Variants in HMG20A observed in about 807,000 individuals in gnomAD.
HMG20A encodes high mobility group protein 20A.
A neutral mutation model predicts 43.9 loss-of-function variants in HMG20A; 17 were observed. That is an observed-to-expected ratio of 0.39 (90% CI 0.27 to 0.58). The LOEUF (loss-of-function observed/expected upper bound fraction) is 0.58, where lower values mean the gene tolerates loss of function less well. HMG20A is among the 20% of genes least tolerant of loss of function. The pLI is 0.59. For synonymous variants in HMG20A, 132 were observed against 147.5 expected (o/e 0.89, Z 0.76); for missense variants, 341 against 438.2 (o/e 0.78, Z 1.98).
At chr15:77,512,958 C>A in the HMG20A span, among the ~76,000 whole-genome samples, 1 of 152,152 alleles carries the variant, frequency 6.6e-6, no homozygotes, top group Admixed American at 6.5e-5. Flanking sequence ...TTTGTACATT[C>A]CTGCCCAAAA....
intron 2 of HMG20A, 77 bp from the exon 3 acceptor site, chr15:77,464,163 C>A: frequency 6.6e-7 from 1 of 1,504,898 alleles, no homozygotes; most frequent in South Asian, 1.2e-5. Context: ...TGTGCTTTTG[C>A]TGGCAGGGAA....
chr15:77,511,251 C>T, the HMG20A span, among the ~76,000 whole-genome samples: 1 of 152,052 alleles, frequency 6.6e-6, no homozygotes, highest in Non-Finnish European at 1.5e-5. Flanking sequence ...ATGTATGGAT[C>T]TAGAAATAAA....
chr15:77,438,332 A>G (rs2073572907), intron 1 of HMG20A, among the ~76,000 whole-genome samples: 1 of 151,906 alleles, frequency 6.6e-6, no homozygotes, highest in Admixed American at 6.6e-5. Context: ...AGTTAGTCTA[A>G]TCGCATTTGG....
chr15:77,455,165 A>G (rs563357952), intron 1 of HMG20A, among the ~76,000 whole-genome samples: 15 of 151,714 alleles, frequency 9.9e-5, no homozygotes, highest in African/African-American at 3.1e-4. Context: ...ACATAGTCAC[A>G]TTGGTGTGAT....
intron 1 of HMG20A, among the ~76,000 whole-genome samples, chr15:77,434,914 A>G (rs1443472051): frequency 6.6e-6 from 1 of 152,172 alleles, no homozygotes; most frequent in African/African-American, 2.4e-5. Flanking sequence ...TGTTCACCAA[A>G]AGACACAAAT....
intron 1 of HMG20A, among the ~76,000 whole-genome samples, chr15:77,443,907 C>T (rs931916296): frequency 6.6e-6 from 1 of 151,922 alleles, no homozygotes; most frequent in Admixed American, 6.6e-5. Context: ...GATGGGGTTT[C>T]GCCATGTTGC....
intron 1 of HMG20A, among the ~76,000 whole-genome samples, chr15:77,428,884 T>A (rs2073454182): frequency 6.6e-6 from 1 of 150,714 alleles, no homozygotes; most frequent in East Asian, 2.0e-4. Flanking sequence ...GAGGATCGCA[T>A]AAGCCCAGGA....
intron 6 of HMG20A, among the ~76,000 whole-genome samples, chr15:77,473,612 A>C (rs1439407197): frequency 6.6e-6 from 1 of 152,248 alleles, no homozygotes; most frequent in Non-Finnish European, 1.5e-5. Flanking sequence ...TGATAGTTGC[A>C]GTCAGAAAAG....
At chr15:77,422,319 A>G (rs938262655) in intron 1 of HMG20A, among the ~76,000 whole-genome samples, 1 of 152,126 alleles carries the variant, frequency 6.6e-6, no homozygotes, top group South Asian at 2.1e-4. Flanking sequence ...GATTATTTTA[A>G]TTCTATAATA....
chr15:77,436,259 C>A (rs2073546761), intron 1 of HMG20A, among the ~76,000 whole-genome samples: 1 of 152,114 alleles, frequency 6.6e-6, no homozygotes, highest in Admixed American at 6.5e-5. Flanking sequence ...ACCCGTTCAA[C>A]ACACACACTT....
At chr15:77,466,984 G>T in intron 3 of HMG20A, 111 bp from the exon 4 acceptor site, 1 of 854,412 alleles carries the variant, frequency 1.2e-6, no homozygotes. Flanking sequence ...GGGCCAAATT[G>T]CAACTCTTAA....
chr15:77,477,488 C>T, intron 6 of HMG20A, 67 bp from the exon 7 acceptor site: 2 of 1,113,654 alleles, frequency 1.8e-6, no homozygotes, highest in Non-Finnish European at 2.7e-6. Context: ...TGATCATTGT[C>T]TTCAGGCACT....
In HMG20A at chr15:77,478,333, A is replaced by G. The variant is rs1306017958; in HGVS notation, c.730A>G (p.Met244Val). The G allele has an allele frequency of 5.6e-6, 9 of 1,613,584 alleles. No homozygotes were observed. Among genetic ancestry groups the G allele is most frequent in the East Asian group, 2.2e-5 (1 of 44,900 alleles). Residue 244 changes from methionine (M) to valine (V), a missense_variant, in exon 8 of 10, where the codon ATG (methionine) becomes GTG (valine). By Grantham distance (21) the Met-to-Val change is conservative. Coordinates refer to ENST00000336216, the MANE Select transcript of HMG20A (RefSeq NM_001304504.2). ...GCTCCGCCAGCTTCGCAAATCCAAC[A>G]TGGAGTTTGAGGAGAGGAATGCAGC... Reference protein sequence around the residue: ...AELRQLRKSNMEFEERNAALQ... With the variant: ...AELRQLRKSNVEFEERNAALQ...
At chr15:77,441,745 T>C (rs2073615211) in intron 1 of HMG20A, among the ~76,000 whole-genome samples, 1 of 152,162 alleles carries the variant, frequency 6.6e-6, no homozygotes, top group African/African-American at 2.4e-5. Context: ...GTTAAGCTTT[T>C]TTTCCCTCAT....
chr15:77,483,138 C>G lies in HMG20A; in HGVS notation c.*175C>G, dbSNP rs1238038723. Reference sequence around the variant, plus strand: ...CACCCCAGGAAGCCAAATGAGGGAGCAGCAACATGTATATGAGCTTCCTAT... The same window carrying G: ...CACCCCAGGAAGCCAAATGAGGGAGGAGCAACATGTATATGAGCTTCCTAT... On this transcript the variant is annotated 3_prime_UTR_variant, in exon 10 of 10. Transcript: ENST00000336216. The G allele has an allele frequency of 6.6e-6, 1 of 152,196 alleles. No individual in the cohort carries two copies. The highest frequency in any genetic ancestry group is 1.5e-5 in the Non-Finnish European group (1 of 68,042). The allele number at this position is 152,196 out of a possible 1,614,324, so 9.4% of individuals were successfully genotyped here. A position where few individuals can be genotyped will look rare whatever the true frequency, so the allele number is the denominator to read the frequency against.
chr15:77,451,810 G>T (rs1176160946), intron 1 of HMG20A, among the ~76,000 whole-genome samples: 2 of 152,136 alleles, frequency 1.3e-5, no homozygotes, highest in Non-Finnish European at 2.9e-5. Context: ...TATATACAGA[G>T]GCCATGAAAG....
chr15:77,491,285 G>T, the HMG20A span, among the ~76,000 whole-genome samples: 2 of 152,340 alleles, frequency 1.3e-5, no homozygotes, highest in African/African-American at 4.8e-5. Context: ...CCTGTGAGGG[G>T]TGCTTTTGCT....
At chr15:77,478,221 CCTGT>C in intron 7 of HMG20A, 70 bp from the exon 8 acceptor site, 1 of 1,469,922 alleles carries the variant, frequency 6.8e-7, no homozygotes, top group Non-Finnish European at 9.5e-7. Flanking sequence ...GCAGAACTTC[CCTGT>C]AAGAGTCATT....
At chr15:77,466,153 G>A (rs926629340) in intron 3 of HMG20A, among the ~76,000 whole-genome samples, 3 of 152,162 alleles carry the variant, frequency 2.0e-5, no homozygotes, top group Admixed American at 6.5e-5. Context: ...GGCTGAGGCT[G>A]GTGGATCACC....
Sources: allele counts gnomAD v4.1 joint callset (sites outside exome capture counted in the v4.1 genomes callset), GRCh38; gene constraint gnomAD v4.1.1; transcripts MANE v1.5; gene names NCBI Gene and HGNC (gene_info 2026-07-23, HGNC 2026-07-21).